KIF18A: variants seen among roughly 807,000 people sequenced by gnomAD.
KIF18A encodes kinesin family member 18A.
In KIF18A, 67 loss-of-function variants were observed where a neutral mutation model predicts 103.3. That is an observed-to-expected ratio of 0.65 (90% CI 0.53 to 0.79). The LOEUF (loss-of-function observed/expected upper bound fraction) is 0.79. Ranked by LOEUF, KIF18A falls within the 30% of genes least tolerant of loss-of-function variation. The probability of loss-of-function intolerance (pLI) is 0.00; values close to 1 mark genes in which losing one functional copy is unlikely to be tolerated. For synonymous variants in KIF18A, 367 were observed against 355.5 expected (o/e 1.03, Z -0.36); for missense variants, 1,032 against 1,062.5 (o/e 0.97, Z 0.40).
At chr11:28,057,508 C>T (rs1046223876) in intron 13 of KIF18A, among the ~76,000 whole-genome samples, 8 of 151,772 alleles carry the variant, frequency 5.3e-5, no homozygotes, top group African/African-American at 1.9e-4. Context: ...GAGCGAGACT[C>T]GGTCTCAAAA....
At chr11:28,047,266 G>A (rs1164152917) in intron 13 of KIF18A, among the ~76,000 whole-genome samples, 1 of 151,894 alleles carries the variant, frequency 6.6e-6, no homozygotes, top group African/African-American at 2.4e-5. Context: ...CCAAATGCTT[G>A]GTTTTAGTCC....
rs373619504 is a variant in KIF18A at position 28,069,269 on chromosome 11, T to C, written c.1580A>G (p.His527Arg). 43 of 1,612,504 alleles carry C rather than the reference T, an allele frequency of 2.7e-5. No homozygotes were observed. Among genetic ancestry groups the C allele is most frequent in the Admixed American group, 1.3e-4 (8 of 59,934 alleles). Residue 527 changes from histidine to arginine, a missense_variant, in exon 11 of 17, where the codon CAT becomes CGT. His to Arg is a conservative substitution (Grantham distance 29, BLOSUM62 0). Transcript: ENST00000263181. Reference sequence around the variant, plus strand: ...CAGAGATATTTGTACCTTTGGAATATGACCGTTTTGACTTAAGAGTCCCAT... The same window carrying C: ...CAGAGATATTTGTACCTTTGGAATACGACCGTTTTGACTTAAGAGTCCCAT... Reference protein sequence around the residue: ...KEMGLLSQNGHIPKELKKDLH... With the variant: ...KEMGLLSQNGRIPKELKKDLH...
In KIF18A at chr11:28,038,979, G is replaced by T. The variant is rs138220050; in HGVS notation, c.1949-2315C>A. ...ACTTCTTTTCCCATGAGAGGCAGCA[G>T]GGGTATAGGGGATAGAAAACTACAT... On this transcript the variant is annotated intron_variant, in intron 13 of 16. Transcript: ENST00000263181. 1.1e-4 allele frequency among the ~76,000 whole-genome samples: 16 copies of T among 151,718 alleles called. No individual in the cohort carries two copies. The East Asian group carries it at 2.9e-3, about 28-fold the overall frequency.
At chr11:28,080,946 T>C (rs976981252) in intron 9 of KIF18A, among the ~76,000 whole-genome samples, 1 of 152,200 alleles carries the variant, frequency 6.6e-6, no homozygotes. Context: ...ATTGCTGATA[T>C]GGAAAAAGTT....
At chr11:28,023,517 G>C (rs1489403768) in intron 16 of KIF18A, among the ~76,000 whole-genome samples, 2 of 152,156 alleles carry the variant, frequency 1.3e-5, no homozygotes, top group Non-Finnish European at 2.9e-5. Flanking sequence ...TCTGGTTCTT[G>C]AGTTTTGGCT....
chr11:28,021,673 C>A (rs1850247400), intron 16 of KIF18A, among the ~76,000 whole-genome samples: 1 of 152,144 alleles, frequency 6.6e-6, no homozygotes, highest in Non-Finnish European at 1.5e-5. Context: ...ATTTAAACTT[C>A]CATATTTTTC....
chr11:28,088,665 G>A lies in KIF18A; in HGVS notation c.756C>T (p.Ala252=). Residue 252 remains alanine (A), a synonymous_variant, in exon 6 of 17, where the codon GCC becomes GCT. Coordinates refer to ENST00000263181, the MANE Select transcript of KIF18A (RefSeq NM_031217.4). ...CTGCCAGGTCAATGAGTGACATCTT[G>A]GCAATACGGACATTTTGATTGATAC... ...TASINQNVRI[A]KMSLIDLAGS... is the part of the protein sequence containing the mutation. 6.2e-7 allele frequency: 1 copy of A among 1,613,934 alleles called. No homozygotes were observed. Among genetic ancestry groups the A allele is most frequent in the Non-Finnish European group, 8.5e-7 (1 of 1,179,946 alleles).
rs139247803 is a variant in KIF18A, at chr11:28,084,888, G to T, written c.898-80C>A. ...GCTACCACTTTAGCACTTCACTGTGGGGGGAGGATTACCTAGGTGCCGAGG... is the reference window on the plus strand; with the variant it reads ...GCTACCACTTTAGCACTTCACTGTGTGGGGAGGATTACCTAGGTGCCGAGG... On this transcript the variant is annotated intron_variant, in intron 6 of 16. Transcript: ENST00000263181. 34 of 1,088,564 alleles carry T rather than the reference G, an allele frequency of 3.1e-5. 1 individual carries two copies. The East Asian group carries it at 7.7e-4, about 25-fold the overall frequency. 67.4% of individuals were successfully genotyped at this position (1,088,564 alleles called of 1,614,324 possible).
At chr11:28,066,181 G>A (rs545151456) in intron 11 of KIF18A, among the ~76,000 whole-genome samples, 2 of 152,054 alleles carry the variant, frequency 1.3e-5, no homozygotes, top group East Asian at 3.9e-4. Flanking sequence ...TTGAGAATAT[G>A]ACTGCTTTAG....
At chr11:28,049,994 C>T (rs1850692142) in intron 13 of KIF18A, among the ~76,000 whole-genome samples, 1 of 151,854 alleles carries the variant, frequency 6.6e-6, no homozygotes, top group Non-Finnish European at 1.5e-5. Flanking sequence ...GAGACACTCT[C>T]ATGGTTAGGG....
chr11:28,080,125 A>G (rs1268882478), intron 9 of KIF18A, among the ~76,000 whole-genome samples: 2 of 152,242 alleles, frequency 1.3e-5, no homozygotes, highest in South Asian at 2.1e-4. Flanking sequence ...GAAAAGAACA[A>G]TATGAGCGCC....
At chr11:28,033,596 A>G (rs1850439623) in intron 15 of KIF18A, among the ~76,000 whole-genome samples, 1 of 151,854 alleles carries the variant, frequency 6.6e-6, no homozygotes, top group Admixed American at 6.6e-5. Flanking sequence ...ATGTTAAGTG[A>G]AATAAGCCAG....
intron 13 of KIF18A, among the ~76,000 whole-genome samples, chr11:28,042,327 T>C (rs967432014): frequency 1.3e-5 from 2 of 151,866 alleles, no homozygotes; most frequent in Admixed American, 1.3e-4. Flanking sequence ...ACAGCATCTC[T>C]TTTTAGGTTA....
At chr11:28,105,088 CAAT>C (rs1413154618) in intron 1 of KIF18A, among the ~76,000 whole-genome samples, 2 of 151,772 alleles carry the variant, frequency 1.3e-5, no homozygotes, top group Admixed American at 6.6e-5. Flanking sequence ...AATTTAGTAA[CAAT>C]AAGTTATATT....
chr11:28,101,733 G>C (rs1272180666), intron 1 of KIF18A, among the ~76,000 whole-genome samples: 2 of 152,140 alleles, frequency 1.3e-5, no homozygotes, highest in African/African-American at 4.8e-5. Context: ...AACATGTAAA[G>C]GTATAACTGT....
At chr11:28,061,141 T>C (rs564589365) in intron 12 of KIF18A, among the ~76,000 whole-genome samples, 41 of 152,338 alleles carry the variant, frequency 2.7e-4, no homozygotes, top group African/African-American at 9.4e-4. Context: ...ACAGGAATTA[T>C]ATCATGTTAT....
At chr11:28,075,048 A>T in intron 10 of KIF18A, among the ~76,000 whole-genome samples, 1 of 152,164 alleles carries the variant, frequency 6.6e-6, no homozygotes, top group Non-Finnish European at 1.5e-5. Flanking sequence ...TTGAATTTAC[A>T]TCTTATTAGT....
chr11:28,098,544 A>C (rs1409887035), intron 1 of KIF18A, among the ~76,000 whole-genome samples: 1 of 152,164 alleles, frequency 6.6e-6, no homozygotes, highest in African/African-American at 2.4e-5. Context: ...GTATCTCAGA[A>C]GCCCATAGGG....
intron 1 of KIF18A, among the ~76,000 whole-genome samples, 156 bp from the exon 2 acceptor site, chr11:28,098,149 AAC>A (rs956403918): frequency 2.0e-5 from 3 of 151,828 alleles, no homozygotes; most frequent in Admixed American, 6.6e-5. Flanking sequence ...AGGCACACAC[AAC>A]ACACACACAC....
Sources: allele counts gnomAD v4.1 joint callset (sites outside exome capture counted in the v4.1 genomes callset), GRCh38; gene constraint gnomAD v4.1.1; transcripts MANE v1.5; gene names NCBI Gene and HGNC (gene_info 2026-07-23, HGNC 2026-07-21).